Variants in LRMDA observed in about 807,000 individuals in gnomAD.
The protein encoded by LRMDA is leucine rich melanocyte differentiation associated.
A neutral mutation model predicts 29.8 loss-of-function variants in LRMDA; 18 were observed. The observed-to-expected ratio is 0.60, with a 90% CI of 0.42 to 0.90. LRMDA has a LOEUF of 0.90. LRMDA is among the 40% of genes least tolerant of loss of function. LRMDA has a pLI of 0.00. For synonymous variants in LRMDA, 125 were observed against 109.4 expected (o/e 1.14, Z -0.89); for missense variants, 273 against 273.9 (o/e 1.00, Z 0.02).
At chr10:76,280,940 T>C (rs1050126119) in intron 5 of LRMDA, among the ~76,000 whole-genome samples, 2 of 152,180 alleles carry the variant, frequency 1.3e-5, no homozygotes, top group African/African-American at 4.8e-5. Flanking sequence ...GCCTTATTGA[T>C]ATACAGGCTA....
intron 6 of LRMDA, among the ~76,000 whole-genome samples, chr10:76,523,610 G>GT (rs988403486): frequency 1.3e-5 from 2 of 151,812 alleles, no homozygotes; most frequent in African/African-American, 4.8e-5. Context: ...AGAAAGGGGG[G>GT]TGGGAAGGGA....
chr10:75,453,145 T>C (rs1844478611), intron 2 of LRMDA, among the ~76,000 whole-genome samples: 1 of 152,182 alleles, frequency 6.6e-6, no homozygotes. Flanking sequence ...AAAAGATAAA[T>C]TTCAGATATT....
Position 76,187,508 on chromosome 10 carries a change from T to C in LRMDA, c.516+128725T>C, listed in dbSNP as rs11001676. 0.011 allele frequency among the ~76,000 whole-genome samples: 1,667 copies of C among 152,258 alleles called. 95 individuals are homozygous for C. The East Asian group carries it at 0.17, about 16-fold the overall frequency. On this transcript the variant is annotated intron_variant, in intron 5 of 6. Coordinates refer to ENST00000611255, the MANE Select transcript of LRMDA (RefSeq NM_001305581.2). ...ATGCAAATCAACCAGCTGTGTAGCT[T>C]CAAGCACAACCTATAATCATTTTGA...
chr10:76,482,643 A>G (rs980023067), intron 6 of LRMDA, among the ~76,000 whole-genome samples: 6 of 151,932 alleles, frequency 3.9e-5, no homozygotes, highest in Non-Finnish European at 7.4e-5. Flanking sequence ...TCATGTTGCA[A>G]TGAGCATTCT....
At chr10:75,982,570 T>C (rs939384150) in intron 2 of LRMDA, among the ~76,000 whole-genome samples, 1 of 152,164 alleles carries the variant, frequency 6.6e-6, no homozygotes, top group African/African-American at 2.4e-5. Context: ...GTATCTACAA[T>C]GACTAGATTC....
chr10:76,114,012 G>A (rs554862690), intron 5 of LRMDA, among the ~76,000 whole-genome samples: 11 of 152,022 alleles, frequency 7.2e-5, no homozygotes, highest in East Asian at 1.9e-4. Flanking sequence ...GGTTTTTTTC[G>A]GCCTGTCAGA....
chr10:76,112,923 C>G (rs548500189), intron 5 of LRMDA, among the ~76,000 whole-genome samples: 42 of 152,294 alleles, frequency 2.8e-4, no homozygotes, highest in African/African-American at 9.9e-4. Context: ...AATGTTGCCA[C>G]TTAAGTTTTG....
intron 2 of LRMDA, among the ~76,000 whole-genome samples, chr10:75,619,252 C>A (rs1435782540): frequency 6.6e-6 from 1 of 152,004 alleles, no homozygotes; most frequent in East Asian, 1.9e-4. Context: ...ACAAGTGGAC[C>A]CATGAAGTTG....
chr10:75,889,541 A>G (rs1845448088), intron 2 of LRMDA, among the ~76,000 whole-genome samples: 1 of 152,140 alleles, frequency 6.6e-6, no homozygotes, highest in African/African-American at 2.4e-5. Flanking sequence ...AAACTTTGGT[A>G]TTAAATCATG....
chr10:75,627,743 C>A (rs1439546982), intron 2 of LRMDA, among the ~76,000 whole-genome samples: 1 of 152,228 alleles, frequency 6.6e-6, no homozygotes, highest in African/African-American at 2.4e-5. Flanking sequence ...AAGCCCCAGG[C>A]ACCTGCTATG....
chr10:76,274,494 C>CTG (rs1394763487), intron 5 of LRMDA, among the ~76,000 whole-genome samples: 1 of 152,018 alleles, frequency 6.6e-6, no homozygotes, highest in South Asian at 2.1e-4. Flanking sequence ...TTGTATGCAT[C>CTG]TGTGTGTGTG....
intron 5 of LRMDA, among the ~76,000 whole-genome samples, chr10:76,213,497 T>C (rs1851672736): frequency 6.6e-6 from 1 of 152,234 alleles, no homozygotes; most frequent in African/African-American, 2.4e-5. Flanking sequence ...TAATTAAACA[T>C]CTTTTCTAAT....
At chr10:75,736,060 C>T (rs1332819505) in intron 2 of LRMDA, among the ~76,000 whole-genome samples, 1 of 152,126 alleles carries the variant, frequency 6.6e-6, no homozygotes, top group East Asian at 1.9e-4. Context: ...TTCCCAAACT[C>T]TCCTCGTTTA....
At chr10:75,932,476 G>A (rs954823271) in intron 2 of LRMDA, among the ~76,000 whole-genome samples, 4 of 152,122 alleles carry the variant, frequency 2.6e-5, no homozygotes, top group African/African-American at 4.8e-5. Context: ...ATCTGGGTGT[G>A]GTAGTATGCA....
intron 2 of LRMDA, among the ~76,000 whole-genome samples, chr10:75,887,001 C>T (rs1845402332): frequency 6.6e-6 from 1 of 152,036 alleles, no homozygotes; most frequent in African/African-American, 2.4e-5. Flanking sequence ...AAGTTCTGGG[C>T]CGCTATTTGA....
In LRMDA at chr10:75,682,808, G is replaced by A. The variant is rs931047508; in HGVS notation, c.131+244314G>A. ...CTTGAGCCTGACTGTTTGACTCAGC[G>A]CAGCATCAATCCCCCTGAGACTGGC... On this transcript the variant is annotated intron_variant, in intron 2 of 6. Transcript: ENST00000611255. Among the ~76,000 whole-genome samples the A allele has an allele frequency of 1.5e-4, 23 of 152,170 alleles. 1 individual carries two copies. The South Asian group carries it at 1.9e-3, about 12-fold the overall frequency.
chr10:76,352,268 T>C (rs1237432600), intron 6 of LRMDA, among the ~76,000 whole-genome samples: 1 of 152,092 alleles, frequency 6.6e-6, no homozygotes, highest in Admixed American at 6.6e-5. Context: ...ATAACTGTGG[T>C]AAAGTTTAGT....
chr10:76,057,767 C>T (rs946992135), intron 4 of LRMDA, among the ~76,000 whole-genome samples: 9 of 152,158 alleles, frequency 5.9e-5, no homozygotes, highest in Non-Finnish European at 1.0e-4. Flanking sequence ...GGAAACAACT[C>T]GCTTGTTTGA....
At position 76,211,038 on chromosome 10, in the gene LRMDA, G is replaced by C. The variant is rs1382758721; in HGVS notation, c.517-113363G>C. Among the ~76,000 whole-genome samples the C allele has an allele frequency of 2.0e-5, 3 of 152,302 alleles. No homozygotes were observed. The East Asian group carries it at 5.8e-4, about 29-fold the overall frequency. ...GTGCTCTGGTTGGAGGGTTTCCATT[G>C]GTCCAACACTTCACCTGTCTTGTCC... On this transcript the variant is annotated intron_variant, in intron 5 of 6. Coordinates refer to ENST00000611255, the MANE Select transcript of LRMDA (RefSeq NM_001305581.2).
Sources: allele counts gnomAD v4.1 joint callset (sites outside exome capture counted in the v4.1 genomes callset), GRCh38; gene constraint gnomAD v4.1.1; transcripts MANE v1.5; gene names NCBI Gene and HGNC (gene_info 2026-07-23, HGNC 2026-07-21).